The following SKI variants were observed in gnomAD, a reference collection of about 807,000 sequenced individuals.
The protein encoded by SKI is ski oncogene.
In SKI, 23 loss-of-function variants were observed where a neutral mutation model predicts 59.3. That is an observed-to-expected ratio of 0.39 (90% CI 0.28 to 0.55). SKI has a LOEUF of 0.55. SKI is among the 20% of genes least tolerant of loss of function. The probability of loss-of-function intolerance (pLI) is 0.67; values close to 1 mark genes in which losing one functional copy is unlikely to be tolerated. For missense variants in SKI, 1,017 were observed against 1,038.9 expected (o/e 0.98, Z 0.29); for synonymous variants, 673 against 488.6 (o/e 1.38, Z -4.98).
In SKI at chr1:2,303,689, C is replaced by T. The variant is rs868685579; in HGVS notation, c.1212-151C>T. The T allele has an allele frequency of 1.7e-5, 19 of 1,113,170 alleles. 1 individual carries two copies. Among genetic ancestry groups the T allele is most frequent in the East Asian group, 7.7e-5 (3 of 38,842 alleles). 69.0% of individuals were successfully genotyped at this position (1,113,170 alleles called of 1,614,324 possible). A position where few individuals can be genotyped will look rare whatever the true frequency, so the allele number is the denominator to read the frequency against. ...AGACCCAGCAAGCAGAAAACGCTTA[C>T]GGGTTCTTAGGGAACTGTAAGCTTG... On this transcript the variant is annotated intron_variant, in intron 3 of 6. Coordinates refer to ENST00000378536, the MANE Select transcript of SKI (RefSeq NM_003036.4). This position sits in a 1 kb window ranked among gnomAD's most constrained non-coding sequence, Gnocchi z 5.6.
At position 2,303,439 on chromosome 1, in the gene SKI, G is replaced by C; in HGVS notation, c.1211+39G>C. On this transcript the variant is annotated intron_variant, in intron 3 of 6. Coordinates refer to ENST00000378536, the MANE Select transcript of SKI (RefSeq NM_003036.4). This position sits in a 1 kb window ranked among gnomAD's most constrained non-coding sequence, Gnocchi z 5.6. ...ATTCACAGGTGTTTCTGATCACGGG[G>C]GAGGCTCCACGAGGGCTGTGCATGC... 6.4e-7 allele frequency: 1 copy of C among 1,563,208 alleles called. No homozygotes were observed.
At chr1:2,301,297 A>G (rs1640418811) in intron 1 of SKI, among the ~76,000 whole-genome samples, 2 of 151,970 alleles carry the variant, frequency 1.3e-5, no homozygotes, top group Non-Finnish European at 2.9e-5. Context: ...AAGCCGCCAC[A>G]TAGAGGGGGT....
At chr1:2,265,589 T>G (rs536164457) in intron 1 of SKI, among the ~76,000 whole-genome samples, 17 of 152,346 alleles carry the variant, frequency 1.1e-4, no homozygotes, top group Non-Finnish European at 1.8e-4. Flanking sequence ...ATGGATGATT[T>G]TCTTCATTGT....
At chr1:2,253,914 G>T (rs1043818844) in intron 1 of SKI, among the ~76,000 whole-genome samples, 1 of 152,340 alleles carries the variant, frequency 6.6e-6, no homozygotes, top group South Asian at 2.1e-4. Flanking sequence ...ACACATCTTG[G>T]GCCAGAGTGG....
At chr1:2,271,493 G>A (rs1639618209) in intron 1 of SKI, among the ~76,000 whole-genome samples, 1 of 152,170 alleles carries the variant, frequency 6.6e-6, no homozygotes, top group East Asian at 1.9e-4. Flanking sequence ...CCAGCGTGGC[G>A]ATTAAGCGCT....
At position 2,303,242 on chromosome 1, in the gene SKI, G is replaced by A. The variant is rs184459808; in HGVS notation, c.1096-43G>A. 6.1e-3 allele frequency: 9,799 copies of A among 1,605,564 alleles called. 37 individuals carry two copies. The highest frequency in any genetic ancestry group is 7.5e-3 in the Non-Finnish European group (8,860 of 1,175,532). On this transcript the variant is annotated intron_variant, in intron 2 of 6. Coordinates refer to ENST00000378536, the MANE Select transcript of SKI (RefSeq NM_003036.4). This position sits in a 1 kb window ranked among gnomAD's most constrained non-coding sequence, Gnocchi z 5.6. ...CAGCCTCAGGGACATGAAGTGGCTT[G>A]TTTTTCTCCTGGTCACTCACACAGA...
In SKI at chr1:2,306,673, G is replaced by C; in HGVS notation, c.2095G>C (p.Glu699Gln). Residue 699 changes from glutamate (E) to glutamine (Q), a missense_variant, in exon 7 of 7, where the codon GAG (glutamate) becomes CAG (glutamine). Transcript: ENST00000378536. ...LREREAREHL[E>Q]KVVKELQEQL... ...GGAGCGCGAGGCCCGGGAGCACCTG[G>C]AGAAGGTGGTGAAGGAGCTGCAGGA... is the stretch of plus-strand genomic sequence containing the variant. 1 of 1,545,016 alleles carries C rather than the reference G, an allele frequency of 6.5e-7. No homozygotes were observed. Among genetic ancestry groups the C allele is most frequent in the Non-Finnish European group, 8.7e-7 (1 of 1,145,256 alleles).
chr1:2,279,015 G>A (rs1007825092), intron 1 of SKI, among the ~76,000 whole-genome samples: 1 of 152,206 alleles, frequency 6.6e-6, no homozygotes, highest in Non-Finnish European at 1.5e-5. Flanking sequence ...TCCAGACAAG[G>A]GCAGGCTGTG....
intron 1 of SKI, chr1:2,240,896 C>A (rs1478665943): frequency 1.5e-6 from 1 of 677,628 alleles, no homozygotes; most frequent in South Asian, 6.5e-5. Context: ...CCTGCGTCGA[C>A]CCCAATCCTC....
chr1:2,231,835 C>T (rs1557808995), intron 1 of SKI, among the ~76,000 whole-genome samples: 1 of 152,224 alleles, frequency 6.6e-6, no homozygotes, highest in Non-Finnish European at 1.5e-5. Flanking sequence ...GCCCGTGTTG[C>T]CTCCTGCTCT....
Position 2,304,559 on chromosome 1 carries a change from C to T in SKI, c.1741C>T (p.Leu581=), listed in dbSNP as rs750462317. The change falls in exon 5 of 7, where the codon CTG becomes TTG. Residue 581 remains leucine, a synonymous_variant. Coordinates refer to ENST00000378536, the MANE Select transcript of SKI (RefSeq NM_003036.4). ...GCAGGAGGAGAAGCTCAGCGCAGCC[C>T]TGCAGGCCAAGCGCAGCCTCCACCA... ...VKQEEKLSAA[L]QAKRSLHQEL... 3.8e-6 allele frequency: 6 copies of T among 1,567,260 alleles called. No homozygotes were observed. The South Asian group carries it at 5.9e-5, about 15-fold the overall frequency.
intron 1 of SKI, chr1:2,240,772 ATCC>A (rs1638853739): frequency 1.0e-6 from 1 of 985,338 alleles, no homozygotes; most frequent in Admixed American, 6.1e-5. Flanking sequence ...GAAGCACAGC[ATCC>A]TGTTGTTCGT....
chr1:2,271,988 C>T (rs1341832121), intron 1 of SKI, among the ~76,000 whole-genome samples: 2 of 152,176 alleles, frequency 1.3e-5, no homozygotes, highest in Non-Finnish European at 2.9e-5. Context: ...CAGCTGTTCT[C>T]CTCTGGGAGG....
At chr1:2,283,092 G>A (rs190660228) in intron 1 of SKI, among the ~76,000 whole-genome samples, 18 of 152,320 alleles carry the variant, frequency 1.2e-4, no homozygotes, top group East Asian at 1.9e-4. Context: ...ATGACCCCAC[G>A]CCATGGCCAG....
chr1:2,258,540 G>A (rs953653027), intron 1 of SKI, among the ~76,000 whole-genome samples: 4 of 150,054 alleles, frequency 2.7e-5, no homozygotes, highest in East Asian at 1.9e-4. Context: ...TGGCTTGGTC[G>A]GGGAACTCAT....
intron 1 of SKI, among the ~76,000 whole-genome samples, chr1:2,251,835 A>G (rs751113003): frequency 6.6e-6 from 1 of 152,212 alleles, no homozygotes; most frequent in Non-Finnish European, 1.5e-5. Context: ...GTTGTTGGCC[A>G]GTGACACAAA....
chr1:2,259,433 A>G (rs887872493), intron 1 of SKI, among the ~76,000 whole-genome samples: 2 of 152,234 alleles, frequency 1.3e-5, no homozygotes, highest in South Asian at 4.1e-4. Flanking sequence ...TGGTGGTTTC[A>G]TGCCACCAGT....
intron 1 of SKI, among the ~76,000 whole-genome samples, chr1:2,273,850 T>C (rs762574259): frequency 4.6e-5 from 7 of 152,156 alleles, no homozygotes; most frequent in Non-Finnish European, 1.0e-4. Flanking sequence ...GGATGGGCCG[T>C]GCAGGCAGAC....
intron 1 of SKI, among the ~76,000 whole-genome samples, chr1:2,284,020 A>G (rs573204881): frequency 6.6e-6 from 1 of 152,026 alleles, no homozygotes; most frequent in Non-Finnish European, 1.5e-5. Context: ...TGCCCGTGCC[A>G]TCTTCTCCCC....
Sources: gnomAD v4.1 joint callset for allele counts (sites outside exome capture counted in the v4.1 genomes callset) on GRCh38, gnomAD v4.1.1 for gene constraint, Gnocchi (gnomAD v3.1) non-coding constraint, MANE v1.5 for transcripts, NCBI Gene and HGNC (gene_info 2026-07-23, HGNC 2026-07-21) for gene names.